ZBBX: variants seen among roughly 807,000 people sequenced by gnomAD.
The protein encoded by ZBBX is zinc finger B-box domain containing, also known as zinc finger B-box domain-containing protein 1.
ZBBX carries 101 observed loss-of-function variants against 108.5 expected under a neutral mutation model. The ratio of observed to expected loss-of-function variants is 0.93; its 90% CI spans 0.79 to 1.10. ZBBX has a LOEUF of 1.10. Among genes scored for constraint, ZBBX ranks in the 50% least tolerant of loss-of-function variants. ZBBX has a pLI of 0.00. For missense variants in ZBBX, 1,009 were observed against 941.4 expected, an observed-to-expected ratio of 1.07 and a Z score of -0.94; for synonymous variants, 356 against 323.4, an observed-to-expected ratio of 1.10 and a Z score of -1.08.
At chr3:167,201,835 CTTA>C in the ZBBX span, among the ~76,000 whole-genome samples, 1,368 of 152,160 alleles carry the variant, frequency 9.0e-3, 28 homozygotes, top group African/African-American at 0.031. Context: ...ATGGAAAATG[CTTA>C]AGTTCTTTAA....
At chr3:167,286,172 C>T (rs1729655291) in intron 19 of ZBBX, among the ~76,000 whole-genome samples, 1 of 151,932 alleles carries the variant, frequency 6.6e-6, no homozygotes, top group Non-Finnish European at 1.5e-5. Flanking sequence ...TTCAGAGCAT[C>T]CTGGAGAAGA....
chr3:167,243,508 C>G (rs914652827), intron 20 of ZBBX, among the ~76,000 whole-genome samples: 2 of 151,896 alleles, frequency 1.3e-5, no homozygotes, highest in African/African-American at 4.8e-5. Context: ...AAATGATTCT[C>G]TTGCCTCAGC....
At chr3:167,223,221 G>A in the ZBBX span, among the ~76,000 whole-genome samples, 2,003 of 151,792 alleles carry the variant, frequency 0.013, 51 homozygotes, top group African/African-American at 0.046. Flanking sequence ...ACCCCATACC[G>A]ATTTCTGGCC....
At chr3:167,259,746 G>C (rs1274028383) in intron 20 of ZBBX, among the ~76,000 whole-genome samples, 1 of 152,104 alleles carries the variant, frequency 6.6e-6, no homozygotes, top group Non-Finnish European at 1.5e-5. Context: ...TGCTCACTCA[G>C]GAGCAGTTAT....
At chr3:167,290,281 G>T (rs182450562) in intron 18 of ZBBX, among the ~76,000 whole-genome samples, 5 of 152,138 alleles carry the variant, frequency 3.3e-5, no homozygotes, top group Non-Finnish European at 7.4e-5. Context: ...AGCAGAGGCC[G>T]ACAGACACCT....
At chr3:167,281,898 C>T (rs144812007) in intron 20 of ZBBX, among the ~76,000 whole-genome samples, 2 of 152,196 alleles carry the variant, frequency 1.3e-5, no homozygotes, top group East Asian at 3.9e-4. Context: ...TATTGAACAG[C>T]GGCTTACATA....
intron 16 of ZBBX, among the ~76,000 whole-genome samples, chr3:167,313,450 T>A (rs1365325083): frequency 1.3e-5 from 2 of 152,110 alleles, no homozygotes; most frequent in Non-Finnish European, 2.9e-5. Context: ...TAATTTTTTT[T>A]ATTTTTATTT....
chr3:167,283,047 A>C (rs1729081926), intron 19 of ZBBX, among the ~76,000 whole-genome samples: 1 of 152,234 alleles, frequency 6.6e-6, no homozygotes, highest in Non-Finnish European at 1.5e-5. Context: ...CTTTAAAGAA[A>C]TTGAGATCAC....
At chr3:167,348,282 G>T (rs1197818778) in intron 9 of ZBBX, among the ~76,000 whole-genome samples, 28 of 129,348 alleles carry the variant, frequency 2.2e-4, no homozygotes, top group African/African-American at 7.5e-4. Context: ...AAGGAAGGAA[G>T]GAAGGAAGGA....
At chr3:167,179,649 C>T in the ZBBX span, among the ~76,000 whole-genome samples, 5 of 152,162 alleles carry the variant, frequency 3.3e-5, no homozygotes, top group Non-Finnish European at 7.4e-5. Context: ...ATATCAAAAG[C>T]AGTCAATACC....
At chr3:167,263,388 C>T (rs1193030145) in intron 20 of ZBBX, among the ~76,000 whole-genome samples, 2 of 152,086 alleles carry the variant, frequency 1.3e-5, no homozygotes, top group Non-Finnish European at 2.9e-5. Flanking sequence ...TCTCCTACTG[C>T]TTTCATTGTA....
upstream of ZBBX, among the ~76,000 whole-genome samples, chr3:167,382,113 A>G (rs545041588): frequency 3.2e-3 from 488 of 152,348 alleles, 2 homozygotes; most frequent in African/African-American, 0.011. Context: ...CAATAGTAAA[A>G]TTAAACTCAT....
the ZBBX span, among the ~76,000 whole-genome samples, chr3:167,187,221 G>A: frequency 6.6e-6 from 1 of 152,080 alleles, no homozygotes; most frequent in South Asian, 2.1e-4. Flanking sequence ...CAAGTGAAAC[G>A]GCAAAAGTAA....
chr3:167,228,719 C>A, the ZBBX span, among the ~76,000 whole-genome samples: 1 of 151,766 alleles, frequency 6.6e-6, no homozygotes, highest in Non-Finnish European at 1.5e-5. Flanking sequence ...TTAAATATTT[C>A]TGAAACAGTT....
At chr3:167,191,917 A>T in the ZBBX span, among the ~76,000 whole-genome samples, 1 of 127,928 alleles carries the variant, frequency 7.8e-6, no homozygotes, top group African/African-American at 3.1e-5. Context: ...ATATATATAT[A>T]TATATATATA....
At chr3:167,263,473 T>G (rs1724938888) in intron 20 of ZBBX, among the ~76,000 whole-genome samples, 1 of 152,234 alleles carries the variant, frequency 6.6e-6, no homozygotes, top group Non-Finnish European at 1.5e-5. Context: ...TCTTAATTTA[T>G]ACATTGATAC....
rs560792095 is a variant in ZBBX, at chr3:167,279,241, G to A, written c.2254+2997C>T. ...TGTTCAACATAGTGTTGGAAGTCCT[G>A]GCCAGGGCAATTAGGCAGGAGAAGG... On this transcript the variant is annotated intron_variant, in intron 20 of 21. Coordinates refer to ENST00000675490, the MANE Select transcript of ZBBX (RefSeq NM_001199201.2). Among the ~76,000 whole-genome samples, 56 of 152,256 alleles carry A rather than the reference G, an allele frequency of 3.7e-4. No individual in the cohort carries two copies. The East Asian group carries it at 7.5e-3, about 20-fold the overall frequency.
Position 167,240,617 on chromosome 3 carries a change from T to C in ZBBX, c.*176A>G, listed in dbSNP as rs1720507359. On this transcript the variant is annotated 3_prime_UTR_variant, in exon 22 of 22. Coordinates refer to ENST00000675490, the MANE Select transcript of ZBBX (RefSeq NM_001199201.2). ...TAGTGGTTGACATATAATATATCAT[T>C]GGAAGAATAAGCCCTTGAACTTATA... 1 of 581,580 alleles carries C rather than the reference T, an allele frequency of 1.7e-6. No homozygotes were observed. Among genetic ancestry groups the C allele is most frequent in the Non-Finnish European group, 2.9e-6 (1 of 347,442 alleles). 36.0% of individuals were successfully genotyped at this position (581,580 alleles called of 1,614,324 possible).
At chr3:167,251,172 C>T (rs557132421) in intron 20 of ZBBX, among the ~76,000 whole-genome samples, 2 of 152,180 alleles carry the variant, frequency 1.3e-5, no homozygotes, top group Admixed American at 6.5e-5. Flanking sequence ...GAAATACCAT[C>T]TCCCTTCTGG....
Sources: allele counts gnomAD v4.1 joint callset (sites outside exome capture counted in the v4.1 genomes callset), GRCh38; gene constraint gnomAD v4.1.1; transcripts MANE v1.5; gene names NCBI Gene and HGNC (gene_info 2026-07-23, HGNC 2026-07-21).